The following ATXN7L1 variants were observed in gnomAD, a reference collection of about 807,000 sequenced individuals.
The protein encoded by ATXN7L1 is ataxin-7-like protein 1.
Under a neutral mutation model 70.8 loss-of-function variants are expected in ATXN7L1, and 15 were observed. The ratio of observed to expected loss-of-function variants is 0.21; its 90% CI spans 0.14 to 0.33. The LOEUF (loss-of-function observed/expected upper bound fraction) is 0.33. Ranked by LOEUF, ATXN7L1 falls within the 10% of genes least tolerant of loss-of-function variation. ATXN7L1 has a pLI of 1.00. For missense variants in ATXN7L1, 975 were observed against 1,097.1 expected, an observed-to-expected ratio of 0.89 and a Z score of 1.57; for synonymous variants, 440 against 445.1, an observed-to-expected ratio of 0.99 and a Z score of 0.14.
At chr7:105,751,741 C>A (rs1388639220) in intron 3 of ATXN7L1, among the ~76,000 whole-genome samples, 1 of 152,212 alleles carries the variant, frequency 6.6e-6, no homozygotes, top group Non-Finnish European at 1.5e-5. Context: ...CCTCAGGGGC[C>A]TCCCATTTAC....
intron 3 of ATXN7L1, among the ~76,000 whole-genome samples, chr7:105,692,409 CCTTCCTTCCTTCCTT>C (rs1791051461): frequency 7.3e-6 from 1 of 136,180 alleles, no homozygotes; most frequent in African/African-American, 2.9e-5. Context: ...TTCCTTCCTT[CCTTCCTTCCTTCCTT>C]CCTCCCTCCC....
chr7:105,639,343 C>G (rs1797844155), intron 6 of ATXN7L1, 144 bp downstream of exon 6: 3 of 524,160 alleles, frequency 5.7e-6, no homozygotes, highest in Non-Finnish European at 9.9e-6. Context: ...CTACCATGGA[C>G]GAGAAGAAAG....
chr7:105,876,341 G>C (rs780332146), intron 1 of ATXN7L1, 37 bp downstream of exon 1: 3 of 1,552,142 alleles, frequency 1.9e-6, no homozygotes, highest in Non-Finnish European at 2.6e-6. Context: ...AAAGGTTACA[G>C]GATAATAAAA....
At chr7:105,660,874 C>G (rs1486057073) in intron 4 of ATXN7L1, among the ~76,000 whole-genome samples, 1 of 152,146 alleles carries the variant, frequency 6.6e-6, no homozygotes, top group Non-Finnish European at 1.5e-5. Flanking sequence ...AGCCACCATG[C>G]CTGGCCAGAA....
At chr7:105,726,624 T>G (rs926307501) in intron 3 of ATXN7L1, among the ~76,000 whole-genome samples, 1 of 152,184 alleles carries the variant, frequency 6.6e-6, no homozygotes, top group African/African-American at 2.4e-5. Context: ...CAGATGCATT[T>G]TGGGAGTGTC....
chr7:105,684,763 G>A (rs769600914), intron 3 of ATXN7L1, among the ~76,000 whole-genome samples: 2 of 152,200 alleles, frequency 1.3e-5, no homozygotes, highest in African/African-American at 2.4e-5. Context: ...GAAGAGGACA[G>A]GCCCAAGAGG....
At chr7:105,710,279 C>T (rs996450277) in intron 3 of ATXN7L1, among the ~76,000 whole-genome samples, 6 of 151,934 alleles carry the variant, frequency 3.9e-5, no homozygotes, top group Non-Finnish European at 5.9e-5. Flanking sequence ...ACAGGCTTAA[C>T]AGGAAGCATG....
chr7:105,712,938 A>AAT (rs997918774), intron 3 of ATXN7L1, among the ~76,000 whole-genome samples: 3 of 152,210 alleles, frequency 2.0e-5, no homozygotes, highest in African/African-American at 7.2e-5. Flanking sequence ...TACTGCTATA[A>AAT]AGCACTACCT....
Position 105,756,531 on chromosome 7 carries a change from T to C in ATXN7L1, c.355+32073A>G, listed in dbSNP as rs73413251. The stretch of plus-strand genomic sequence containing the variant: ...TTGTACTCTAGGGTCCAGGGTTGCA[T>C]GCATTAGTTTTTATCAAAGATGACT... On this transcript the variant is annotated intron_variant, in intron 3 of 11. Coordinates refer to ENST00000419735, the MANE Select transcript of ATXN7L1 (RefSeq NM_020725.2). Among the ~76,000 whole-genome samples, 424 of 152,292 alleles carry C rather than the reference T, an allele frequency of 2.8e-3. 4 individuals are homozygous for C. Among genetic ancestry groups the C allele is most frequent in the African/African-American group, 9.9e-3 (411 of 41,560 alleles).
intron 4 of ATXN7L1, among the ~76,000 whole-genome samples, chr7:105,653,794 A>G (rs1800209716): frequency 1.3e-5 from 2 of 149,478 alleles, no homozygotes; most frequent in Admixed American, 1.3e-4. Flanking sequence ...TGGACTTCTC[A>G]CTTCTCCTTG....
At chr7:105,782,573 G>A (rs1803682540) in intron 3 of ATXN7L1, among the ~76,000 whole-genome samples, 1 of 152,156 alleles carries the variant, frequency 6.6e-6, no homozygotes, top group Non-Finnish European at 1.5e-5. Context: ...CCAGCATGGG[G>A]CACACGATCA....
chr7:105,711,060 C>T (rs1002256327), intron 3 of ATXN7L1, among the ~76,000 whole-genome samples: 2 of 152,120 alleles, frequency 1.3e-5, no homozygotes, highest in Non-Finnish European at 2.9e-5. Flanking sequence ...GGAAACCGCC[C>T]CCATGATTGA....
At chr7:105,681,255 T>C (rs1400834087) in intron 3 of ATXN7L1, among the ~76,000 whole-genome samples, 2 of 152,090 alleles carry the variant, frequency 1.3e-5, no homozygotes, top group Non-Finnish European at 2.9e-5. Flanking sequence ...TGAAACCCCA[T>C]CTCTACTAAA....
At chr7:105,683,041 C>T (rs474039) in intron 3 of ATXN7L1, among the ~76,000 whole-genome samples, 24,918 of 152,124 alleles carry the variant, frequency 0.16, 2,224 homozygotes, top group South Asian at 0.33. Flanking sequence ...ACCTTTAAAA[C>T]CCTTTCTGAA....
chr7:105,761,539 T>C (rs1800549142), intron 3 of ATXN7L1: 1 of 1,561,248 alleles, frequency 6.4e-7, no homozygotes, highest in African/African-American at 1.4e-5. Flanking sequence ...TATTTGTAAA[T>C]GATTACTCAT....
At chr7:105,639,123 C>T (rs1797791443) in intron 6 of ATXN7L1, among the ~76,000 whole-genome samples, 1 of 152,190 alleles carries the variant, frequency 6.6e-6, no homozygotes, top group South Asian at 2.1e-4. Flanking sequence ...ATCCTCCCCT[C>T]CAGGGCTGCC....
At chr7:105,805,096 G>A (rs760490030) in intron 2 of ATXN7L1, among the ~76,000 whole-genome samples, 2 of 152,204 alleles carry the variant, frequency 1.3e-5, no homozygotes, top group Non-Finnish European at 2.9e-5. Flanking sequence ...AACAACGAAC[G>A]AGCCGGACAG....
intron 3 of ATXN7L1, among the ~76,000 whole-genome samples, chr7:105,784,573 CAGG>C (rs1451354030): frequency 6.6e-6 from 1 of 152,094 alleles, no homozygotes; most frequent in African/African-American, 2.4e-5. Flanking sequence ...GGAAGTGGCA[CAGG>C]AGAACAGAGT....
intron 4 of ATXN7L1, among the ~76,000 whole-genome samples, chr7:105,659,494 C>T (rs554290485): frequency 1.3e-5 from 2 of 152,066 alleles, no homozygotes; most frequent in South Asian, 4.2e-4. Context: ...TTAAGTGCTC[C>T]GGGGATTAAA....
Sources: gnomAD v4.1 joint callset for allele counts (sites outside exome capture counted in the v4.1 genomes callset) on GRCh38, gnomAD v4.1.1 for gene constraint, MANE v1.5 for transcripts, NCBI Gene and HGNC (gene_info 2026-07-23, HGNC 2026-07-21) for gene names.